Variants in PARVB observed in about 807,000 individuals in gnomAD.
PARVB encodes the protein beta-parvin.
PARVB carries 46 observed loss-of-function variants against 47.0 expected under a neutral mutation model. The observed-to-expected ratio is 0.98, with a 90% CI of 0.77 to 1.25. The LOEUF (loss-of-function observed/expected upper bound fraction) is 1.25. PARVB is among the 50% of genes most tolerant of loss of function. The probability of loss-of-function intolerance (pLI) is 0.00; values close to 1 mark genes in which losing one functional copy is unlikely to be tolerated. For synonymous variants in PARVB, 196 were observed against 196.3 expected, an observed-to-expected ratio of 1.00 and a Z score of 0.01; for missense variants, 473 against 471.6, an observed-to-expected ratio of 1.00 and a Z score of -0.03.
intron 1 of PARVB, among the ~76,000 whole-genome samples, chr22:44,047,299 C>A (rs144890667): frequency 5.9e-5 from 9 of 152,266 alleles, no homozygotes; most frequent in Admixed American, 2.0e-4. Context: ...GTGCCATGCT[C>A]TTTTCTAAGA....
intron 1 of PARVB, among the ~76,000 whole-genome samples, chr22:44,082,866 TA>T (rs2051938149): frequency 6.6e-6 from 1 of 152,192 alleles, no homozygotes; most frequent in Non-Finnish European, 1.5e-5. Flanking sequence ...GAGCTTTTTT[TA>T]CATTTCTATG....
intron 11 of PARVB, among the ~76,000 whole-genome samples, chr22:44,161,953 T>C (rs534572185): frequency 6.6e-4 from 100 of 152,342 alleles, no homozygotes; most frequent in African/African-American, 2.3e-3. Context: ...AGTGTTCCCA[T>C]TGGCAGTTTC....
chr22:44,098,483 C>T (rs2052362147), intron 2 of PARVB, among the ~76,000 whole-genome samples: 1 of 152,114 alleles, frequency 6.6e-6, no homozygotes, highest in African/African-American at 2.4e-5. Context: ...GGCAGCAAGG[C>T]TTCAAGGAGT....
chr22:44,040,738 G>A (rs962076242), intron 1 of PARVB, among the ~76,000 whole-genome samples: 2 of 152,144 alleles, frequency 1.3e-5, no homozygotes, highest in Admixed American at 6.5e-5. Flanking sequence ...TATGGAGGCC[G>A]GGCGCGGTGG....
At chr22:44,002,727 C>T (rs534756433) in intron 2 of PARVB, among the ~76,000 whole-genome samples, 19 of 152,218 alleles carry the variant, frequency 1.2e-4, no homozygotes, top group African/African-American at 3.4e-4. Flanking sequence ...TTTCAGTTTG[C>T]GTAGTGAACC....
intron 2 of PARVB, among the ~76,000 whole-genome samples, chr22:44,005,550 A>G (rs1007625437): frequency 4.6e-5 from 7 of 152,044 alleles, no homozygotes; most frequent in Admixed American, 3.9e-4. Flanking sequence ...GTGCTGAGGC[A>G]GGAGAATGGG....
At chr22:44,166,167 TG>T (rs1347622965) in intron 12 of PARVB, among the ~76,000 whole-genome samples, 2 of 152,334 alleles carry the variant, frequency 1.3e-5, no homozygotes, top group African/African-American at 4.8e-5. Context: ...TGGAGTGCAG[TG>T]GCGCGATCCC....
intron 1 of PARVB, among the ~76,000 whole-genome samples, chr22:44,027,173 G>C (rs1000039364): frequency 7.9e-5 from 12 of 152,254 alleles, no homozygotes; most frequent in African/African-American, 2.9e-4. Context: ...AGAAGCTCTG[G>C]GGACGTGAAA....
At chr22:44,030,933 C>T (rs1355155518) in intron 1 of PARVB, among the ~76,000 whole-genome samples, 2 of 152,068 alleles carry the variant, frequency 1.3e-5, no homozygotes, top group Admixed American at 6.5e-5. Flanking sequence ...GGGGGAGTGG[C>T]TGGTCCGAAG....
At chr22:44,118,875 G>A (rs1055753640) in intron 3 of PARVB, among the ~76,000 whole-genome samples, 163 bp from the exon 4 acceptor site, 4 of 152,044 alleles carry the variant, frequency 2.6e-5, no homozygotes, top group Admixed American at 6.6e-5. Flanking sequence ...CTGCAGAGCT[G>A]TGCAGCCTGG....
At chr22:44,166,986 TC>T (rs1316252208) in intron 12 of PARVB, among the ~76,000 whole-genome samples, 1 of 152,062 alleles carries the variant, frequency 6.6e-6, no homozygotes, top group African/African-American at 2.4e-5. Context: ...GGCTGTGGCC[TC>T]CCCTGCAGGC....
intron 9 of PARVB, chr22:44,148,142 C>T (rs371337901): frequency 2.1e-5 from 12 of 575,496 alleles, no homozygotes; most frequent in Admixed American, 1.2e-4. Context: ...CCTGCCCGCC[C>T]GCTCCGCTTC....
At chr22:44,076,507 C>A (rs181853896) in intron 1 of PARVB, among the ~76,000 whole-genome samples, 1 of 152,358 alleles carries the variant, frequency 6.6e-6, no homozygotes, top group Admixed American at 6.5e-5. Flanking sequence ...AGAGCCCAGC[C>A]TCAACATAGC....
At chr22:44,160,560 C>T (rs944798092) in intron 11 of PARVB, among the ~76,000 whole-genome samples, 1 of 152,174 alleles carries the variant, frequency 6.6e-6, no homozygotes, top group African/African-American at 2.4e-5. Flanking sequence ...GTCCCCAGGC[C>T]TCTCCGGGAT....
In PARVB at chr22:44,024,459, C is replaced by A; in HGVS notation, c.112+8C>A. The A allele has an allele frequency of 1.7e-6, 2 of 1,144,158 alleles. No homozygotes were observed. 70.9% of individuals were successfully genotyped at this position (1,144,158 alleles called of 1,614,324 possible). Reference sequence around the variant, plus strand: ...AGCGGAGGGCGCGCGAGGGTGAGTGCGCGCCCGCGCCCGCCGACCCCCGGG... The same window carrying A: ...AGCGGAGGGCGCGCGAGGGTGAGTGAGCGCCCGCGCCCGCCGACCCCCGGG... On this transcript the variant is annotated splice_region_variant and intron_variant, in intron 1 of 12. Transcript: ENST00000338758.
At chr22:44,091,274 C>CTTTTT (rs3083368) in intron 1 of PARVB, among the ~76,000 whole-genome samples, 83 of 90,728 alleles carry the variant, frequency 9.1e-4, no homozygotes, top group South Asian at 5.3e-3. Context: ...AGAGGGCCTG[C>CTTTTT]TTTTTTTTTT....
At chr22:44,156,217 C>T (rs1405830689) in intron 10 of PARVB, among the ~76,000 whole-genome samples, 1 of 151,894 alleles carries the variant, frequency 6.6e-6, no homozygotes, top group East Asian at 1.9e-4. Context: ...GCTCTAGCTG[C>T]AGCTCTCCCT....
intron 1 of PARVB, among the ~76,000 whole-genome samples, chr22:44,087,981 C>T (rs1176898589): frequency 6.6e-6 from 1 of 151,610 alleles, no homozygotes; most frequent in African/African-American, 2.4e-5. Context: ...TGCATGCTGG[C>T]GACTGTGCCG....
At chr22:44,077,283 A>T (rs2051798576) in intron 1 of PARVB, among the ~76,000 whole-genome samples, 1 of 152,102 alleles carries the variant, frequency 6.6e-6, no homozygotes, top group South Asian at 2.1e-4. Flanking sequence ...CGTGGGCCAC[A>T]TCACTCCAGC....
Sources: allele counts gnomAD v4.1 joint callset (sites outside exome capture counted in the v4.1 genomes callset), GRCh38; gene constraint gnomAD v4.1.1; transcripts MANE v1.5; gene names NCBI Gene and HGNC (gene_info 2026-07-23, HGNC 2026-07-21).